Variants in PPM1H observed in about 807,000 individuals in gnomAD.
PPM1H encodes protein phosphatase 1H.
A neutral mutation model predicts 54.9 loss-of-function variants in PPM1H; 27 were observed. That is an observed-to-expected ratio of 0.49 (90% CI 0.36 to 0.68). PPM1H has a LOEUF of 0.68. Among genes scored for constraint, PPM1H ranks in the 30% least tolerant of loss-of-function variants. PPM1H has a pLI of 0.00. For synonymous variants in PPM1H, 305 were observed against 270.8 expected (o/e 1.13, Z -1.24); for missense variants, 596 against 667.8 (o/e 0.89, Z 1.19).
At chr12:62,863,242 T>A (rs953487196) in intron 1 of PPM1H, among the ~76,000 whole-genome samples, 16 of 152,062 alleles carry the variant, frequency 1.1e-4, no homozygotes, top group African/African-American at 3.9e-4. Context: ...TTGCCAAGAC[T>A]GGTCTCAAAC....
chr12:62,887,447 C>A (rs188057201), intron 1 of PPM1H, among the ~76,000 whole-genome samples: 1 of 152,160 alleles, frequency 6.6e-6, no homozygotes, highest in East Asian at 1.9e-4. Context: ...TGACAATTGC[C>A]AATGCTTATT....
chr12:62,689,597 A>T lies in PPM1H; in HGVS notation c.1245+102T>A, dbSNP rs1193864161. ...GAGAGATACAGTGGAAGTACATATA[A>T]TACAAGTTGGCTACTGTCTGGATAT... is the stretch of plus-strand genomic sequence containing the variant. On this transcript the variant is annotated intron_variant, in intron 8 of 9. Transcript: ENST00000228705. The T allele has an allele frequency of 5.2e-6, 4 of 772,200 alleles. No individual in the cohort carries two copies. The African/African-American group carries it at 7.0e-5, about 13-fold the overall frequency. The allele number at this position is 772,200 out of a possible 1,614,324, so 47.8% of individuals were successfully genotyped here.
chr12:62,925,007 C>G (rs935376111), intron 1 of PPM1H, among the ~76,000 whole-genome samples: 1 of 152,146 alleles, frequency 6.6e-6, no homozygotes, highest in African/African-American at 2.4e-5. Flanking sequence ...CACACCACTG[C>G]ACTCCAGCCT....
rs2076085175 is a variant in PPM1H, at chr12:62,691,876, C to G, written c.1137+2060G>C. The stretch of plus-strand genomic sequence containing the variant: ...CCCTCTGCCCTGCTGGGAGGCTGGA[C>G]TGGCTCCCTTCTAGCCAAGAAGTGC... On this transcript the variant is annotated intron_variant, in intron 7 of 9. Transcript: ENST00000228705. Among the ~76,000 whole-genome samples, 4 of 151,712 alleles carry G rather than the reference C, an allele frequency of 2.6e-5. No individual in the cohort carries two copies. In the South Asian group the frequency reaches 8.3e-4, roughly 32 times the overall value.
rs77465582 is a variant in PPM1H, at chr12:62,913,358, A to G, written c.245+21134T>C. Among the ~76,000 whole-genome samples the G allele has an allele frequency of 8.0e-3, 1,221 of 152,280 alleles. 17 individuals are homozygous for G. The highest frequency in any genetic ancestry group is 0.054 in the Middle Eastern group (16 of 294). ...GATGTGGAAGATGCGCACATTTTCA[A>G]AGTGACCATCTGCACCTAGAAGGTC... On this transcript the variant is annotated intron_variant, in intron 1 of 9. Transcript: ENST00000228705.
chr12:62,851,347 T>A (rs796590578), intron 1 of PPM1H, among the ~76,000 whole-genome samples: 3 of 152,192 alleles, frequency 2.0e-5, no homozygotes, highest in African/African-American at 7.2e-5. Context: ...AACAAACAAA[T>A]ATTAACACAG....
intron 1 of PPM1H, among the ~76,000 whole-genome samples, chr12:62,916,065 T>G (rs1231927294): frequency 2.0e-5 from 3 of 152,194 alleles, no homozygotes; most frequent in Admixed American, 1.3e-4. Context: ...GATCAATGCC[T>G]TCATCACAGT....
At chr12:62,681,491 G>T (rs971434975) in intron 8 of PPM1H, among the ~76,000 whole-genome samples, 2 of 152,224 alleles carry the variant, frequency 1.3e-5, no homozygotes, top group Non-Finnish European at 2.9e-5. Flanking sequence ...ACTGCCTTAG[G>T]TCCAGTTCAA....
At chr12:62,830,985 C>T (rs1285405752) in intron 2 of PPM1H, among the ~76,000 whole-genome samples, 2 of 152,128 alleles carry the variant, frequency 1.3e-5, no homozygotes, top group Non-Finnish European at 2.9e-5. Flanking sequence ...TCCTGAGTAG[C>T]TGGGATTACA....
Position 62,693,965 on chromosome 12 carries a change from A to T in PPM1H, c.1108T>A (p.Phe370Ile), listed in dbSNP as rs567590288. 1 of 1,613,146 alleles carries T rather than the reference A, an allele frequency of 6.2e-7. No homozygotes were observed. The highest frequency in any genetic ancestry group is 1.3e-5 in the African/African-American group (1 of 75,056). The part of the protein sequence containing the change: ...YKTIEDEDLK[F>I]PLIYGEGKKA... Reference sequence around the variant, plus strand: ...TTGCCTTCTCCATATATAAGGGGGAACTTCAAGTCCTCATCCTCAATGGTT... The same window carrying T: ...TTGCCTTCTCCATATATAAGGGGGATCTTCAAGTCCTCATCCTCAATGGTT... The change falls in exon 7 of 10, where the codon TTC (phenylalanine) becomes ATC (isoleucine). Residue 370 changes from phenylalanine to isoleucine, a missense_variant. Physicochemically the swap from Phe to Ile is conservative, Grantham distance 21. Transcript: ENST00000228705.
At chr12:62,704,181 C>G (rs2076160422) in intron 6 of PPM1H, among the ~76,000 whole-genome samples, 1 of 152,082 alleles carries the variant, frequency 6.6e-6, no homozygotes, top group Admixed American at 6.5e-5. Context: ...GAGAGTGAAT[C>G]TGAGGCATGC....
chr12:62,850,732 C>G (rs895735098), intron 1 of PPM1H: 1 of 146,190 alleles, frequency 6.8e-6, no homozygotes, highest in Non-Finnish European at 1.5e-5. Context: ...TTTCTTTTTT[C>G]TTTTTTAGGG....
At chr12:62,904,081 G>A (rs536438069) in intron 1 of PPM1H, among the ~76,000 whole-genome samples, 1 of 152,078 alleles carries the variant, frequency 6.6e-6, no homozygotes, top group East Asian at 1.9e-4. Context: ...TCACTTCAAA[G>A]GAATTACATT....
chr12:62,837,688 C>T (rs954355321), intron 1 of PPM1H, among the ~76,000 whole-genome samples: 7 of 152,214 alleles, frequency 4.6e-5, no homozygotes, highest in African/African-American at 1.7e-4. Context: ...GAATTAAATG[C>T]TCTAGCATGA....
chr12:62,791,228 C>A (rs2704757), intron 3 of PPM1H, among the ~76,000 whole-genome samples: 52,247 of 151,854 alleles, frequency 0.34, 10,195 homozygotes, highest in African/African-American at 0.53. Flanking sequence ...TGCTTGACTG[C>A]CAAGAATGGT....
At chr12:62,734,152 G>GA (rs2076338627) in intron 5 of PPM1H, among the ~76,000 whole-genome samples, 1 of 145,296 alleles carries the variant, frequency 6.9e-6, no homozygotes, top group African/African-American at 2.5e-5. Context: ...TTTTTTTAAA[G>GA]AAAATAAAAA....
rs140346510 is a variant in PPM1H, at chr12:62,702,508, G to A, written c.1074-8509C>T. On this transcript the variant is annotated intron_variant, in intron 6 of 9. Transcript: ENST00000228705. ...ATCATCAACATAAATCACTTCCCAC[G>A]ATCTCCCTTCTCTTCTAAGTCATGA... Among the ~76,000 whole-genome samples, 10 of 148,468 alleles carry A rather than the reference G, an allele frequency of 6.7e-5. No individual in the cohort carries two copies. In the East Asian group the frequency reaches 1.2e-3, roughly 18 times the overall value.
intron 1 of PPM1H, among the ~76,000 whole-genome samples, chr12:62,842,336 A>C (rs1052988808): frequency 5.9e-5 from 9 of 152,142 alleles, no homozygotes; most frequent in Admixed American, 1.3e-4. Context: ...TTTTAAACAA[A>C]AAATTTTTTT....
At chr12:62,778,634 C>G (rs535989399) in intron 4 of PPM1H, among the ~76,000 whole-genome samples, 72 of 152,316 alleles carry the variant, frequency 4.7e-4, no homozygotes, top group Middle Eastern at 6.8e-3. Context: ...AGTCATGTTA[C>G]TTAAGATCCT....
Sources: allele counts gnomAD v4.1 joint callset (sites outside exome capture counted in the v4.1 genomes callset), GRCh38; gene constraint gnomAD v4.1.1; transcripts MANE v1.5; gene names NCBI Gene and HGNC (gene_info 2026-07-23, HGNC 2026-07-21).